Variants in PIEZO2 observed in about 807,000 individuals in gnomAD.
PIEZO2 encodes piezo type mechanosensitive ion channel component 2.
PIEZO2 carries 172 observed loss-of-function variants against 337.3 expected under a neutral mutation model. That is an observed-to-expected ratio of 0.51 (90% CI 0.45 to 0.58). The LOEUF (loss-of-function observed/expected upper bound fraction) is 0.58, where lower values mean the gene tolerates loss of function less well. PIEZO2 is among the 20% of genes least tolerant of loss of function. The pLI, the probability that PIEZO2 is intolerant of heterozygous loss-of-function variation, is 0.00. For synonymous variants in PIEZO2, 1,251 were observed against 1,228.5 expected (o/e 1.02, Z -0.38); for missense variants, 3,028 against 3,391.3 (o/e 0.89, Z 2.66).
At chr18:10,907,730 G>A (rs954160928) in intron 4 of PIEZO2, among the ~76,000 whole-genome samples, 4 of 152,032 alleles carry the variant, frequency 2.6e-5, no homozygotes, top group South Asian at 2.1e-4. Context: ...CGCCCACCTG[G>A]CATCACCCTA....
At chr18:10,935,799 G>C (rs1262028156) in intron 3 of PIEZO2, among the ~76,000 whole-genome samples, 1 of 152,138 alleles carries the variant, frequency 6.6e-6, no homozygotes, top group Non-Finnish European at 1.5e-5. Flanking sequence ...CACGGCCCCT[G>C]CTCCTGCCTC....
chr18:11,133,209 A>T (rs1452889075), intron 1 of PIEZO2, among the ~76,000 whole-genome samples: 1 of 152,208 alleles, frequency 6.6e-6, no homozygotes, highest in African/African-American at 2.4e-5. Context: ...CATGTGACAT[A>T]AGATTTACTG....
Position 10,863,026 on chromosome 18 carries a change from C to T in PIEZO2, c.493-5815G>A, listed in dbSNP as rs916326435. Reference sequence around the variant, plus strand: ...TCTCTTCTTCATGGTTAAAACCAAGCTTTTAAAAACATTTCTATAGAAGTG... The same window carrying T: ...TCTCTTCTTCATGGTTAAAACCAAGTTTTTAAAAACATTTCTATAGAAGTG... On this transcript the variant is annotated intron_variant, in intron 5 of 55. Transcript: ENST00000674853. The surrounding 1 kb of genome is among the most constrained non-coding windows in gnomAD (Gnocchi z 4.3). Among the ~76,000 whole-genome samples the T allele has an allele frequency of 6.6e-6, 1 of 152,118 alleles. No individual in the cohort carries two copies. The highest frequency in any genetic ancestry group is 2.4e-5 in the African/African-American group (1 of 41,410).
chr18:10,886,487 C>CATATATATATATAATGTGTGTATAT, intron 4 of PIEZO2, among the ~76,000 whole-genome samples: 1 of 45,890 alleles, frequency 2.2e-5, no homozygotes, highest in Non-Finnish European at 3.4e-5. Context: ...ATATCCAAAC[C>CATATATATATATAATGTGTGTATAT]ATATATATAT....
chr18:10,762,706 G>A (rs2038187895), intron 22 of PIEZO2, 81 bp from the exon 23 acceptor site: 5 of 1,469,646 alleles, frequency 3.4e-6, no homozygotes, highest in Middle Eastern at 1.9e-4. Context: ...TCAGCCTTGA[G>A]CAAAATGATA....
chr18:10,873,398 C>T (rs568180143), intron 4 of PIEZO2, among the ~76,000 whole-genome samples: 1 of 152,230 alleles, frequency 6.6e-6, no homozygotes, highest in South Asian at 2.1e-4. Context: ...TCCATTCTCC[C>T]TACGTTCACT....
At chr18:11,119,453 A>G (rs1486860185) in intron 1 of PIEZO2, among the ~76,000 whole-genome samples, 1 of 152,170 alleles carries the variant, frequency 6.6e-6, no homozygotes, top group Non-Finnish European at 1.5e-5. Flanking sequence ...CTTGCATTTG[A>G]TTAAAAATAA....
chr18:10,998,097 T>C (rs1046551915), intron 2 of PIEZO2, among the ~76,000 whole-genome samples: 24 of 152,248 alleles, frequency 1.6e-4, no homozygotes, highest in African/African-American at 5.8e-4. Flanking sequence ...TAGCATACAG[T>C]GGAACAATAT....
Position 10,945,342 on chromosome 18 carries a change from G to T in PIEZO2, c.287-34114C>A, listed in dbSNP as rs896986334. Among the ~76,000 whole-genome samples the T allele has an allele frequency of 2.0e-5, 3 of 152,094 alleles. No individual in the cohort carries two copies. The highest frequency in any genetic ancestry group is 4.4e-5 in the Non-Finnish European group (3 of 68,024). On this transcript the variant is annotated intron_variant, in intron 3 of 55. Coordinates refer to ENST00000674853, the MANE Select transcript of PIEZO2 (RefSeq NM_001378183.1). This position sits in a 1 kb window ranked among gnomAD's most constrained non-coding sequence, Gnocchi z 4.0. ...TTACAGATGTGAGCCACTGCACCTG[G>T]CTGAAACTCTCTAAAAGACCCTCTC...
At position 11,101,555 on chromosome 18, in the gene PIEZO2, A is replaced by T. The variant is rs2146095075; in HGVS notation, c.65-35333T>A. 6.6e-6 allele frequency among the ~76,000 whole-genome samples: 1 copy of T among 152,370 alleles called. No homozygotes were observed. The highest frequency in any genetic ancestry group is 2.4e-5 in the African/African-American group (1 of 41,608). ...AAAATTTAACATATCAATAATTCTT[A>T]AAAGACGTTCCAGTGTAGAGGTGTT... On this transcript the variant is annotated intron_variant, in intron 1 of 55. Coordinates refer to ENST00000674853, the MANE Select transcript of PIEZO2 (RefSeq NM_001378183.1). This position sits in a 1 kb window ranked among gnomAD's most constrained non-coding sequence, Gnocchi z 4.4.
chr18:10,725,107 C>T (rs2036478782), intron 36 of PIEZO2: 6 of 1,485,730 alleles, frequency 4.0e-6, no homozygotes, highest in African/African-American at 1.4e-5. Flanking sequence ...CACCTACAAT[C>T]CACAGTTCGA....
At chr18:10,832,660 G>C (rs1007710331) in intron 7 of PIEZO2, among the ~76,000 whole-genome samples, 20 of 152,158 alleles carry the variant, frequency 1.3e-4, no homozygotes, top group Non-Finnish European at 2.4e-4. Context: ...ACGCAGGAAA[G>C]AACTACCCGG....
Position 11,080,659 on chromosome 18 carries a change from C to A in PIEZO2, c.65-14437G>T, listed in dbSNP as rs1227876051. Among the ~76,000 whole-genome samples, 1 of 152,204 alleles carries A rather than the reference C, an allele frequency of 6.6e-6. No homozygotes were observed. The highest frequency in any genetic ancestry group is 2.1e-4 in the South Asian group (1 of 4,828). ...AGGAGATCAAGACTATCCTGGCCAACACGGTGAAACCCCGTCTCTACTAAA... is the reference window on the plus strand; with the variant it reads ...AGGAGATCAAGACTATCCTGGCCAAAACGGTGAAACCCCGTCTCTACTAAA... On this transcript the variant is annotated intron_variant, in intron 1 of 55. Coordinates refer to ENST00000674853, the MANE Select transcript of PIEZO2 (RefSeq NM_001378183.1). The surrounding 1 kb of genome is among the most constrained non-coding windows in gnomAD (Gnocchi z 5.4).
chr18:10,701,040 T>C (rs545622927), intron 43 of PIEZO2, among the ~76,000 whole-genome samples: 2 of 152,330 alleles, frequency 1.3e-5, no homozygotes, highest in East Asian at 3.9e-4. Context: ...AACACACTGT[T>C]ACATATCTAT....
At chr18:10,808,142 G>A (rs959844247) in intron 7 of PIEZO2, among the ~76,000 whole-genome samples, 7 of 152,260 alleles carry the variant, frequency 4.6e-5, no homozygotes, top group African/African-American at 1.7e-4. Flanking sequence ...AGGCTGGAGT[G>A]CAGCAGCATG....
chr18:11,045,667 A>C (rs2037287098), intron 2 of PIEZO2, among the ~76,000 whole-genome samples: 1 of 152,236 alleles, frequency 6.6e-6, no homozygotes, highest in Non-Finnish European at 1.5e-5. Context: ...CAGTCTGTGC[A>C]TGCCCAAGAA....
chr18:10,803,940 G>A lies in PIEZO2; in HGVS notation c.1135C>T (p.Gln379Ter). Residue 379 changes from glutamine (Q) to a stop codon, truncating the protein, a stop_gained, in exon 9 of 56, where the codon CAA becomes TAA. Coordinates refer to ENST00000674853, the MANE Select transcript of PIEZO2 (RefSeq NM_001378183.1). LOFTEE classifies it high-confidence loss of function. ...CTCCGCCTCCTCCCCGCTGTTATTT[G>A]GATGGGGCTACAAGCCAGGGCTTTG... Reference protein sequence around the residue: ...EDKALACSPIQITAGRRRSLW... With the variant: ...EDKALACSPI The A allele has an allele frequency of 6.5e-7, 1 of 1,537,338 alleles. No individual in the cohort carries two copies. Among genetic ancestry groups the A allele is most frequent in the Non-Finnish European group, 8.7e-7 (1 of 1,146,928 alleles).
intron 42 of PIEZO2, among the ~76,000 whole-genome samples, chr18:10,702,865 A>G (rs2035402421): frequency 6.6e-6 from 1 of 152,088 alleles, no homozygotes. Context: ...TATTTTATTT[A>G]TTTTTTTAGA....
At chr18:11,061,704 G>A (rs1289304016) in intron 2 of PIEZO2, among the ~76,000 whole-genome samples, 19 of 152,204 alleles carry the variant, frequency 1.2e-4, no homozygotes, top group South Asian at 4.2e-4. Flanking sequence ...TACAAGGGAC[G>A]TGAAGGACCT....
Sources: allele counts gnomAD v4.1 joint callset (sites outside exome capture counted in the v4.1 genomes callset), GRCh38; gene constraint gnomAD v4.1.1; non-coding constraint Gnocchi (gnomAD v3.1); transcripts MANE v1.5; gene names NCBI Gene and HGNC (gene_info 2026-07-23, HGNC 2026-07-21).